JAKMIP1: variants seen among roughly 807,000 people sequenced by gnomAD.
JAKMIP1 encodes the protein janus kinase and microtubule interacting protein 1.
Under a neutral mutation model 113.0 loss-of-function variants are expected in JAKMIP1, and 33 were observed. The ratio of observed to expected loss-of-function variants is 0.29; its 90% confidence interval spans 0.22 to 0.39. JAKMIP1 has a LOEUF of 0.39. Among genes scored for constraint, JAKMIP1 ranks in the 10% least tolerant of loss-of-function variants. The pLI is 1.00. For missense variants in JAKMIP1, 813 were observed against 1,080.5 expected (o/e 0.75, Z 3.47); for synonymous variants, 480 against 459.9 (o/e 1.04, Z -0.56).
chr4:6,034,903 A>G (rs1713202147), intron 19 of JAKMIP1, among the ~76,000 whole-genome samples: 1 of 152,238 alleles, frequency 6.6e-6, no homozygotes, highest in Non-Finnish European at 1.5e-5. Context: ...ATGAGCCTCC[A>G]TAATGTGTGT....
Position 6,081,558 on chromosome 4 carries a change from CCAGA to C in JAKMIP1, c.1101+47_1101+50del, listed in dbSNP as rs757830175. On this transcript the variant is annotated intron_variant, in intron 6 of 20. Transcript: ENST00000409021. The surrounding 1 kb of genome is among the most constrained non-coding windows in gnomAD (Gnocchi z 4.6). ...TCGGGAGGTTCAGGGCTGAAGAATCCCAGACAGAGAAGGGAGTGTCAGGGCTGTC... is the reference window on the plus strand; with the variant it reads ...TCGGGAGGTTCAGGGCTGAAGAATCCCAGAGAAGGGAGTGTCAGGGCTGTC... The C allele has an allele frequency of 2.2e-5, 36 of 1,606,868 alleles. No homozygotes were observed. Among genetic ancestry groups the C allele is most frequent in the Non-Finnish European group, 2.8e-5 (33 of 1,175,562 alleles).
chr4:6,091,311 A>T (rs555068724), intron 3 of JAKMIP1, among the ~76,000 whole-genome samples: 1 of 152,360 alleles, frequency 6.6e-6, no homozygotes, highest in Non-Finnish European at 1.5e-5. Context: ...GATCCCTGGC[A>T]CATTTTAAAT....
chr4:6,152,151 G>A (rs1175842866), intron 1 of JAKMIP1, among the ~76,000 whole-genome samples: 1 of 152,084 alleles, frequency 6.6e-6, no homozygotes, highest in African/African-American at 2.4e-5. Context: ...AGAGGAGACA[G>A]AGAGAGAGTG....
At position 6,067,220 on chromosome 4, in the gene JAKMIP1, C is replaced by T. The variant is rs1197912104; in HGVS notation, c.1303-2212G>A. The stretch of plus-strand genomic sequence containing the variant: ...GACAGGGGGTTGGCCCTTTTGTTCT[C>T]GACTGTATCCCAGTGTTAATGAACT... On this transcript the variant is annotated intron_variant, in intron 8 of 20. Coordinates refer to ENST00000409021, the MANE Select transcript of JAKMIP1 (RefSeq NM_001099433.2). The surrounding 1 kb of genome is among the most constrained non-coding windows in gnomAD (Gnocchi z 4.6). Among the ~76,000 whole-genome samples the T allele has an allele frequency of 2.0e-5, 3 of 152,186 alleles. No individual in the cohort carries two copies. Among genetic ancestry groups the T allele is most frequent in the Non-Finnish European group, 2.9e-5 (2 of 68,042 alleles).
At chr4:6,115,169 G>T (rs1298322750) in intron 1 of JAKMIP1, among the ~76,000 whole-genome samples, 5 of 152,230 alleles carry the variant, frequency 3.3e-5, no homozygotes, top group Admixed American at 2.0e-4. Flanking sequence ...AGCACTTTGG[G>T]AGGCCGAGGT....
rs899022665 is a variant in JAKMIP1 at position 6,065,422 on chromosome 4, G to A, written c.1303-414C>T. On this transcript the variant is annotated intron_variant, in intron 8 of 20. Transcript: ENST00000409021. This position sits in a 1 kb window ranked among gnomAD's most constrained non-coding sequence, Gnocchi z 5.1. ...ACGCTCCATGAGCAGCGCACTGGCT[G>A]TACCAAGGAGAAGGGGGACAGGGTC... Among the ~76,000 whole-genome samples, 2 of 152,240 alleles carry A rather than the reference G, an allele frequency of 1.3e-5. No homozygotes were observed. Among genetic ancestry groups the A allele is most frequent in the Non-Finnish European group, 2.9e-5 (2 of 68,048 alleles).
At position 6,142,960 on chromosome 4, in the gene JAKMIP1, T is replaced by C. The variant is rs566688141; in HGVS notation, c.-147-29963A>G. 6.6e-6 allele frequency among the ~76,000 whole-genome samples: 1 copy of C among 152,300 alleles called. No individual in the cohort carries two copies. The highest frequency in any genetic ancestry group is 1.9e-4 in the East Asian group (1 of 5,172). On this transcript the variant is annotated intron_variant, in intron 1 of 20. Coordinates refer to ENST00000409021, the MANE Select transcript of JAKMIP1 (RefSeq NM_001099433.2). This position sits in a 1 kb window ranked among gnomAD's most constrained non-coding sequence, Gnocchi z 5.5. ...TGTGTGTGTGTGTGTTTGTGGCCTC[T>C]CATCTCTGACTATACTATCAATATG...
At chr4:6,146,235 G>GC (rs397969441) in intron 1 of JAKMIP1, among the ~76,000 whole-genome samples, 1 of 131,676 alleles carries the variant, frequency 7.6e-6, no homozygotes, top group Admixed American at 8.2e-5. Context: ...GGGCTGGGGG[G>GC]AGGTTGCGGG....
In JAKMIP1 at chr4:6,135,533, G is replaced by A. The variant is rs991300822; in HGVS notation, c.-147-22536C>T. On this transcript the variant is annotated intron_variant, in intron 1 of 20. Transcript: ENST00000409021. The surrounding 1 kb of genome is among the most constrained non-coding windows in gnomAD (Gnocchi z 4.9). ...TACAGAGATGCTCCTTGAGCTGCCC[G>A]ACCCCACTCCACGGACGGGGATTTC... is the stretch of plus-strand genomic sequence containing the variant. Among the ~76,000 whole-genome samples, 7 of 152,090 alleles carry A rather than the reference G, an allele frequency of 4.6e-5. No homozygotes were observed. Among genetic ancestry groups the A allele is most frequent in the East Asian group, 1.9e-4 (1 of 5,184 alleles).
At chr4:6,164,029 G>T (rs1348589167) in intron 1 of JAKMIP1, among the ~76,000 whole-genome samples, 2 of 152,238 alleles carry the variant, frequency 1.3e-5, no homozygotes, top group Non-Finnish European at 2.9e-5. Context: ...AGAAGCTGCG[G>T]CAAGTTACCC....
At chr4:6,043,268 C>T (rs1714578155) in intron 16 of JAKMIP1, among the ~76,000 whole-genome samples, 1 of 152,044 alleles carries the variant, frequency 6.6e-6, no homozygotes, top group African/African-American at 2.4e-5. Flanking sequence ...ACCCCCTTTC[C>T]TGACTCCAGG....
At chr4:6,100,976 GT>G (rs990681042) in intron 3 of JAKMIP1, among the ~76,000 whole-genome samples, 14 of 152,112 alleles carry the variant, frequency 9.2e-5, no homozygotes, top group African/African-American at 3.4e-4. Context: ...TATTGAACAT[GT>G]CTTCTCTCAG....
Position 6,056,715 on chromosome 4 carries a change from G to A in JAKMIP1, c.1689C>T (p.Asn563=). ...CACGCACCTTTTCCAGCAAGTCTTG[G>A]TTTGTTCTGATGAGCAGCTGCTTCT... ...VEEKQLLIRT[N]QDLLEKIYRL... The change falls in exon 12 of 21, where the codon AAC becomes AAT. Residue 563 remains asparagine, a synonymous_variant. Coordinates refer to ENST00000409021, the MANE Select transcript of JAKMIP1 (RefSeq NM_001099433.2). 5 of 1,613,668 alleles carry A rather than the reference G, an allele frequency of 3.1e-6. No homozygotes were observed. The highest frequency in any genetic ancestry group is 1.1e-5 in the South Asian group (1 of 91,064).
intron 1 of JAKMIP1, among the ~76,000 whole-genome samples, chr4:6,164,571 G>A (rs1361456850): frequency 6.6e-6 from 1 of 152,176 alleles, no homozygotes; most frequent in East Asian, 1.9e-4. Context: ...TATGGCTGCT[G>A]TAGATAGTGA....
Position 6,150,391 on chromosome 4 carries a change from T to TA in JAKMIP1, c.-147-37395dup, listed in dbSNP as rs1721422867. 6.6e-6 allele frequency: 1 copy of TA among 152,198 alleles called. No individual in the cohort carries two copies. The highest frequency in any genetic ancestry group is 2.1e-4 in the South Asian group (1 of 4,828). 9.4% of individuals were successfully genotyped at this position (152,198 alleles called of 1,614,324 possible). ...TTGGCCCCCGGTGTCAGCTTCTAAC[T>TA]AAAAGCCTTACTGTGCAGCGGGCTT... On this transcript the variant is annotated intron_variant, in intron 1 of 20. Transcript: ENST00000409021. This position sits in a 1 kb window ranked among gnomAD's most constrained non-coding sequence, Gnocchi z 4.8.
intron 11 of JAKMIP1, among the ~76,000 whole-genome samples, chr4:6,057,011 A>G (rs1292282400): frequency 6.6e-6 from 1 of 152,160 alleles, no homozygotes; most frequent in African/African-American, 2.4e-5. Context: ...TGTCCGTCTA[A>G]TTAACAGAAA....
chr4:6,193,263 T>C lies in JAKMIP1; in HGVS notation c.-148+6990A>G, dbSNP rs889598928. On this transcript the variant is annotated intron_variant, in intron 1 of 20. Transcript: ENST00000409021. This position sits in a 1 kb window ranked among gnomAD's most constrained non-coding sequence, Gnocchi z 6.4. Reference sequence around the variant, plus strand: ...GGCTGAAGGCTGTGCTGTTGGATTCTGTACTTTTGAGGTTTTGGGATTCAG... The same window carrying C: ...GGCTGAAGGCTGTGCTGTTGGATTCCGTACTTTTGAGGTTTTGGGATTCAG... Among the ~76,000 whole-genome samples the C allele has an allele frequency of 5.9e-5, 9 of 152,196 alleles. No individual in the cohort carries two copies. The highest frequency in any genetic ancestry group is 3.3e-4 in the Admixed American group (5 of 15,286).
At position 6,051,947 on chromosome 4, in the gene JAKMIP1, A is replaced by G. The variant is rs1715709419; in HGVS notation, c.1807-1268T>C. Among the ~76,000 whole-genome samples the G allele has an allele frequency of 6.6e-6, 1 of 152,178 alleles. No individual in the cohort carries two copies. The highest frequency in any genetic ancestry group is 2.4e-5 in the African/African-American group (1 of 41,430). ...AGTTTGAGCAGAGTTACGGTAAGGT[A>G]AAAAATAACATGCTTTGGGCCATTC... On this transcript the variant is annotated intron_variant, in intron 13 of 20. Transcript: ENST00000409021. This position sits in a 1 kb window ranked among gnomAD's most constrained non-coding sequence, Gnocchi z 5.0.
At chr4:6,128,833 C>T (rs79497324) in intron 1 of JAKMIP1, among the ~76,000 whole-genome samples, 2,074 of 152,292 alleles carry the variant, frequency 0.014, 48 homozygotes, top group African/African-American at 0.043. Context: ...GAAGGCACCA[C>T]CTATAGCAAG....
Sources: gnomAD v4.1 joint callset for allele counts (sites outside exome capture counted in the v4.1 genomes callset) on GRCh38, gnomAD v4.1.1 for gene constraint, Gnocchi (gnomAD v3.1) non-coding constraint, MANE v1.5 for transcripts, NCBI Gene and HGNC (gene_info 2026-07-23, HGNC 2026-07-21) for gene names.